The following CRISPLD1 variants were observed in gnomAD, a reference collection of about 807,000 sequenced individuals.
CRISPLD1 encodes the protein cysteine-rich secretory protein LCCL domain-containing 1.
Under a neutral mutation model 77.5 loss-of-function variants are expected in CRISPLD1, and 60 were observed. The observed-to-expected ratio is 0.77, with a 90% CI of 0.63 to 0.96. CRISPLD1 has a LOEUF of 0.96. Ranked by LOEUF, CRISPLD1 falls within the 40% of genes least tolerant of loss-of-function variation. The pLI is 0.00. For missense variants in CRISPLD1, 623 were observed against 615.8 expected (o/e 1.01, Z -0.12); for synonymous variants, 195 against 200.1 (o/e 0.97, Z 0.22).
Position 74,986,232 on chromosome 8 carries a change from A to T in CRISPLD1, c.245A>T (p.Asn82Ile). The T allele has an allele frequency of 6.2e-7, 1 of 1,614,020 alleles. No individual in the cohort carries two copies. Among genetic ancestry groups the T allele is most frequent in the Middle Eastern group, 1.7e-4 (1 of 6,060 alleles). Residue 82 changes from asparagine to isoleucine, a missense_variant, in exon 2 of 15, where the codon AAT (asparagine) becomes ATT (isoleucine). Transcript: ENST00000262207. ...AGTCAGGTGTATCCAACAGCCTCTA[A>T]TATGGAGTATATGGTAAGGACATTT... ...LRSQVYPTASNMEYMTWDVEL... is the reference protein window; with the variant it reads ...LRSQVYPTASIMEYMTWDVEL...
In CRISPLD1 at chr8:75,027,320, T is replaced by C. The variant is rs180797968; in HGVS notation, c.1320+1699T>C. 6.3e-3 allele frequency among the ~76,000 whole-genome samples: 963 copies of C among 152,336 alleles called. 6 individuals are homozygous for C. Among genetic ancestry groups the C allele is most frequent in the Non-Finnish European group, 0.011 (734 of 68,028 alleles). On this transcript the variant is annotated intron_variant, in intron 13 of 14. Coordinates refer to ENST00000262207, the MANE Select transcript of CRISPLD1 (RefSeq NM_031461.6). ...CAAGTACCTTGCACATAAGTATTTG[T>C]TGAAACAAGTAGATTAATAAATATA...
At position 74,986,246 on chromosome 8, in the gene CRISPLD1, G is replaced by GT. The variant is rs779803912; in HGVS notation, c.258+2dup. On this transcript the variant is annotated splice_donor_variant, in intron 2 of 14. Coordinates refer to ENST00000262207, the MANE Select transcript of CRISPLD1 (RefSeq NM_031461.6). LOFTEE classifies it high-confidence loss of function. ...AACAGCCTCTAATATGGAGTATATG[G>GT]TAAGGACATTTTTCAAGTGGTATGT... The GT allele has an allele frequency of 6.2e-7, 1 of 1,613,196 alleles. No individual in the cohort carries two copies. The highest frequency in any genetic ancestry group is 1.1e-5 in the South Asian group (1 of 91,052).
At position 75,016,919 on chromosome 8, in the gene CRISPLD1, T is replaced by C. The variant is rs559297326; in HGVS notation, c.907T>C (p.Cys303Arg). Residue 303 changes from cysteine (C) to arginine (R), a missense_variant, in exon 8 of 15, where the codon TGC becomes CGC. Transcript: ENST00000262207. Reference sequence around the variant, plus strand: ...TTGTGAAGTAAGATTAAGAGATCAGTGCAAAGGAACAACCTGCAATAGGTA... The same window carrying C: ...TTGTGAAGTAAGATTAAGAGATCAGCGCAAAGGAACAACCTGCAATAGGTA... ...VSCEVRLRDQCKGTTCNRYEC... is the reference protein window; with the variant it reads ...VSCEVRLRDQRKGTTCNRYEC... The C allele has an allele frequency of 5.1e-6, 8 of 1,570,512 alleles. No homozygotes were observed. The highest frequency in any genetic ancestry group is 6.1e-6 in the Non-Finnish European group (7 of 1,156,258).
At chr8:75,021,663 G>A (rs966717608) in intron 12 of CRISPLD1, among the ~76,000 whole-genome samples, 3 of 152,108 alleles carry the variant, frequency 2.0e-5, no homozygotes, top group African/African-American at 7.2e-5. Flanking sequence ...TATTTGATTA[G>A]ATCATTGTTT....
chr8:75,024,558 C>A (rs916643654), intron 12 of CRISPLD1, among the ~76,000 whole-genome samples: 1 of 152,152 alleles, frequency 6.6e-6, no homozygotes, highest in African/African-American at 2.4e-5. Flanking sequence ...CTCCTGACCT[C>A]AGGCGATCCA....
At chr8:74,993,729 A>G (rs1192092557) in intron 2 of CRISPLD1, among the ~76,000 whole-genome samples, 5 of 152,224 alleles carry the variant, frequency 3.3e-5, no homozygotes, top group African/African-American at 1.2e-4. Flanking sequence ...CAATAGGAGA[A>G]TGGAGCATCC....
At chr8:75,006,061 CCT>C (rs1375686006) in intron 2 of CRISPLD1, among the ~76,000 whole-genome samples, 1 of 152,096 alleles carries the variant, frequency 6.6e-6, no homozygotes, top group African/African-American at 2.4e-5. Context: ...ATTTTTCATT[CCT>C]TATCCTTCCC....
chr8:75,033,829 T>C lies in CRISPLD1; in HGVS notation c.*1587T>C, dbSNP rs1587037623. 1 of 113,882 alleles carries C rather than the reference T, an allele frequency of 8.8e-6. No individual in the cohort carries two copies. Among genetic ancestry groups the C allele is most frequent in the Non-Finnish European group, 1.9e-5 (1 of 53,260 alleles). The allele number at this position is 113,882 out of a possible 1,614,324, so 7.1% of individuals were successfully genotyped here. A position where few individuals can be genotyped will look rare whatever the true frequency, so the allele number is the denominator to read the frequency against. On this transcript the variant is annotated 3_prime_UTR_variant, in exon 15 of 15. Coordinates refer to ENST00000262207, the MANE Select transcript of CRISPLD1 (RefSeq NM_031461.6). ...TTCCAAATACTGGTAATTAAAACAA[T>C]GATGTATACGTTAAAGATTGCAAAA...
Position 75,034,268 on chromosome 8 carries a change from C to T in CRISPLD1, c.*2026C>T, listed in dbSNP as rs543506856. 3.2e-4 allele frequency: 49 copies of T among 152,234 alleles called. No individual in the cohort carries two copies. Among genetic ancestry groups the T allele is most frequent in the African/African-American group, 1.2e-3 (49 of 41,578 alleles). 9.4% of individuals were successfully genotyped at this position (152,234 alleles called of 1,614,324 possible). ...GCGTGTCCTTGGGTAAGTTATTTAA[C>T]TTCAATTTACCTTACCTGTAAAATG... On this transcript the variant is annotated 3_prime_UTR_variant, in exon 15 of 15. Coordinates refer to ENST00000262207, the MANE Select transcript of CRISPLD1 (RefSeq NM_031461.6).
intron 12 of CRISPLD1, among the ~76,000 whole-genome samples, chr8:75,023,320 C>T (rs1311927472): frequency 6.6e-6 from 1 of 152,176 alleles, no homozygotes; most frequent in Non-Finnish European, 1.5e-5. Context: ...TTTTAACAGC[C>T]ATAAGGATGA....
chr8:75,032,320 A>G lies in CRISPLD1; in HGVS notation c.*78A>G, dbSNP rs1813365360. ...GAATTTTGTATAAAACTGTAACATTACTGTACAGAGTACATCAACTATTTT... is the reference window on the plus strand; with the variant it reads ...GAATTTTGTATAAAACTGTAACATTGCTGTACAGAGTACATCAACTATTTT... On this transcript the variant is annotated 3_prime_UTR_variant, in exon 15 of 15. Transcript: ENST00000262207. 1 of 1,147,014 alleles carries G rather than the reference A, an allele frequency of 8.7e-7. No individual in the cohort carries two copies. The highest frequency in any genetic ancestry group is 2.4e-5 in the East Asian group (1 of 41,940). 71.1% of individuals were successfully genotyped at this position (1,147,014 alleles called of 1,614,324 possible).
intron 2 of CRISPLD1, among the ~76,000 whole-genome samples, chr8:74,989,349 A>G (rs781615041): frequency 7.9e-5 from 12 of 152,142 alleles, no homozygotes; most frequent in Non-Finnish European, 1.5e-4. Flanking sequence ...ATTCAGTGAT[A>G]CTGTTGTTGA....
chr8:75,024,360 G>A (rs554925583), intron 12 of CRISPLD1, among the ~76,000 whole-genome samples: 5 of 152,028 alleles, frequency 3.3e-5, no homozygotes, highest in Non-Finnish European at 7.4e-5. Flanking sequence ...GAGTCTTGCT[G>A]TGTTGCCCAG....
At chr8:74,986,653 AAT>A (rs1437460642) in intron 2 of CRISPLD1, among the ~76,000 whole-genome samples, 2 of 152,228 alleles carry the variant, frequency 1.3e-5, no homozygotes, top group East Asian at 3.9e-4. Context: ...GGATTGCTGA[AAT>A]ATATTGTTCC....
rs11991135 is a variant in CRISPLD1 at position 75,000,925 on chromosome 8, A to G, written c.259-11508A>G. On this transcript the variant is annotated intron_variant, in intron 2 of 14. Coordinates refer to ENST00000262207, the MANE Select transcript of CRISPLD1 (RefSeq NM_031461.6). ...AAGTGGACAGAATAAAAAGGATTGA[A>G]TTCTGTCTTGACAAAATAGTTTTAT... Among the ~76,000 whole-genome samples, 1,414 of 152,278 alleles carry G rather than the reference A, an allele frequency of 9.3e-3. 20 individuals are homozygous for G. Among genetic ancestry groups the G allele is most frequent in the African/African-American group, 0.032 (1,327 of 41,570 alleles).
At chr8:74,998,536 A>G (rs1263078609) in intron 2 of CRISPLD1, among the ~76,000 whole-genome samples, 1 of 151,870 alleles carries the variant, frequency 6.6e-6, no homozygotes, top group Non-Finnish European at 1.5e-5. Context: ...AAAAATAGAA[A>G]AATTAGCCAA....
At chr8:75,001,206 G>A (rs1195738921) in intron 2 of CRISPLD1, among the ~76,000 whole-genome samples, 1 of 152,064 alleles carries the variant, frequency 6.6e-6, no homozygotes, top group Non-Finnish European at 1.5e-5. Context: ...ACAAAATTTT[G>A]TGTTTTTAAA....
chr8:74,997,744 C>T (rs1414385029), intron 2 of CRISPLD1, among the ~76,000 whole-genome samples: 1 of 152,054 alleles, frequency 6.6e-6, no homozygotes, highest in Non-Finnish European at 1.5e-5. Flanking sequence ...TCCCAGAAGC[C>T]AGGAGGAGAG....
At chr8:75,022,334 C>A (rs1296667097) in intron 12 of CRISPLD1, among the ~76,000 whole-genome samples, 1 of 151,812 alleles carries the variant, frequency 6.6e-6, no homozygotes, top group Admixed American at 6.6e-5. Context: ...CGCCTGTAAT[C>A]CCAGCACTTT....
Sources: gnomAD v4.1 joint callset for allele counts (sites outside exome capture counted in the v4.1 genomes callset) on GRCh38, gnomAD v4.1.1 for gene constraint, MANE v1.5 for transcripts, NCBI Gene and HGNC (gene_info 2026-07-23, HGNC 2026-07-21) for gene names.